Variants in ADAM18 observed in about 807,000 individuals in gnomAD.
ADAM18 encodes ADAM metallopeptidase domain 18, also known as disintegrin and metalloproteinase domain-containing protein 18.
ADAM18 carries 117 observed loss-of-function variants against 94.4 expected under a neutral mutation model. The ratio of observed to expected loss-of-function variants is 1.24; its 90% CI spans 1.07 to 1.45. The LOEUF (loss-of-function observed/expected upper bound fraction) is 1.45, where lower values mean the gene tolerates loss of function less well. ADAM18 is among the 40% of genes most tolerant of loss of function. The pLI, the probability that ADAM18 is intolerant of heterozygous loss-of-function variation, is 0.00. For missense variants in ADAM18, 936 were observed against 880.0 expected, an observed-to-expected ratio of 1.06 and a Z score of -0.81; for synonymous variants, 327 against 291.6, an observed-to-expected ratio of 1.12 and a Z score of -1.24.
At chr8:39,722,215 G>GACA (rs1822775342) in intron 18 of ADAM18, among the ~76,000 whole-genome samples, 90 of 68,064 alleles carry the variant, frequency 1.3e-3, no homozygotes, top group African/African-American at 7.7e-3. Context: ...GTGTGTGTGT[G>GACA]TGTATATATA....
chr8:39,604,351 A>T lies in ADAM18; in HGVS notation c.133-1956A>T, dbSNP rs1819001028. Among the ~76,000 whole-genome samples, 3 of 152,046 alleles carry T rather than the reference A, an allele frequency of 2.0e-5. No individual in the cohort carries two copies. In the South Asian group the frequency reaches 6.2e-4, roughly 31 times the overall value. On this transcript the variant is annotated intron_variant, in intron 2 of 19. Transcript: ENST00000265707. ...TCAATCCCTACTCCTTATAATGTCT[A>T]TTTTTATTTTTCTAAAGATATTAAA...
intron 6 of ADAM18, among the ~76,000 whole-genome samples, chr8:39,624,794 ACCT>A (rs1819716283): frequency 6.6e-6 from 1 of 151,240 alleles, no homozygotes; most frequent in Admixed American, 6.6e-5. Flanking sequence ...AGTGTGTAGC[ACCT>A]CCCCTGCTCT....
At chr8:39,722,027 A>G (rs561083981) in intron 18 of ADAM18, among the ~76,000 whole-genome samples, 1 of 150,798 alleles carries the variant, frequency 6.6e-6, no homozygotes, top group African/African-American at 2.4e-5. Context: ...AACACATTAT[A>G]TATATATGCA....
chr8:39,596,883 A>G (rs1270775019), intron 2 of ADAM18, among the ~76,000 whole-genome samples: 2 of 152,158 alleles, frequency 1.3e-5, no homozygotes, highest in Non-Finnish European at 2.9e-5. Flanking sequence ...ATGTGTAATA[A>G]TATTTTATTT....
At chr8:39,608,124 T>A (rs191951533) in intron 3 of ADAM18, among the ~76,000 whole-genome samples, 2 of 152,142 alleles carry the variant, frequency 1.3e-5, no homozygotes, top group Non-Finnish European at 2.9e-5. Flanking sequence ...ATACTTGACA[T>A]CTTTCTGTCG....
intron 19 of ADAM18, among the ~76,000 whole-genome samples, chr8:39,725,261 C>A (rs555973583): frequency 4.6e-5 from 7 of 152,016 alleles, no homozygotes; most frequent in East Asian, 1.9e-4. Flanking sequence ...CCCCTTTAAA[C>A]CATCATCACC....
chr8:39,693,388 A>G (rs1255823259), intron 17 of ADAM18, among the ~76,000 whole-genome samples: 2 of 151,374 alleles, frequency 1.3e-5, no homozygotes, highest in Admixed American at 6.6e-5. Context: ...GAAAATAGCC[A>G]CATTTTAATG....
chr8:39,624,588 C>T (rs748256422), intron 6 of ADAM18, among the ~76,000 whole-genome samples: 5 of 152,080 alleles, frequency 3.3e-5, no homozygotes, highest in African/African-American at 4.8e-5. Flanking sequence ...GTAGCGTCTC[C>T]AGATATGTTA....
At chr8:39,662,084 A>G (rs2129580024) in intron 12 of ADAM18, among the ~76,000 whole-genome samples, 1 of 152,188 alleles carries the variant, frequency 6.6e-6, no homozygotes. Flanking sequence ...GCACAAATGC[A>G]AATTTATGCA....
chr8:39,595,614 A>G (rs2129458140), intron 2 of ADAM18, among the ~76,000 whole-genome samples: 1 of 152,218 alleles, frequency 6.6e-6, no homozygotes, highest in Non-Finnish European at 1.5e-5. Context: ...TCTGCCTCAG[A>G]GGTTTCAAGA....
At chr8:39,726,690 T>C (rs917681927) in intron 19 of ADAM18, among the ~76,000 whole-genome samples, 1 of 152,126 alleles carries the variant, frequency 6.6e-6, no homozygotes, top group Non-Finnish European at 1.5e-5. Context: ...AGGTAAGGAT[T>C]AGGCTTTAAT....
chr8:39,684,872 C>T (rs1253144059), intron 16 of ADAM18, among the ~76,000 whole-genome samples: 1 of 152,142 alleles, frequency 6.6e-6, no homozygotes, highest in Non-Finnish European at 1.5e-5. Context: ...CTGTGTTATC[C>T]GTAGATTCTA....
chr8:39,642,258 G>A (rs967085662), intron 10 of ADAM18, among the ~76,000 whole-genome samples: 1 of 152,008 alleles, frequency 6.6e-6, no homozygotes, highest in African/African-American at 2.4e-5. Context: ...AAGCTCTTTA[G>A]TTTAATTAGA....
chr8:39,588,982 C>T (rs900903426), intron 2 of ADAM18, among the ~76,000 whole-genome samples: 1 of 152,148 alleles, frequency 6.6e-6, no homozygotes, highest in Non-Finnish European at 1.5e-5. Flanking sequence ...CCAGAACATT[C>T]CTAAATCTGT....
chr8:39,677,622 A>C, intron 15 of ADAM18, 86 bp downstream of exon 15: 1 of 870,646 alleles, frequency 1.1e-6, no homozygotes, highest in Non-Finnish European at 1.7e-6. Flanking sequence ...TGAACACTAA[A>C]ATTTTATAAC....
chr8:39,670,086 T>A (rs1821112271), intron 14 of ADAM18, among the ~76,000 whole-genome samples: 4 of 152,212 alleles, frequency 2.6e-5, no homozygotes, highest in African/African-American at 4.8e-5. Flanking sequence ...CATTTTTTCA[T>A]GTGTTTTTTG....
At chr8:39,653,365 C>T (rs1381243271) in intron 12 of ADAM18, among the ~76,000 whole-genome samples, 1 of 151,672 alleles carries the variant, frequency 6.6e-6, no homozygotes, top group Non-Finnish European at 1.5e-5. Context: ...AAGATCTATA[C>T]AGATATTAAA....
At chr8:39,585,037 A>G (rs1475812385) in intron 1 of ADAM18, among the ~76,000 whole-genome samples, 1 of 152,268 alleles carries the variant, frequency 6.6e-6, no homozygotes, top group Admixed American at 6.5e-5. Flanking sequence ...AAAGGGAACC[A>G]GAGGGGCCTG....
intron 12 of ADAM18, among the ~76,000 whole-genome samples, chr8:39,656,605 GATAAA>G (rs1248041330): frequency 2.6e-5 from 4 of 152,074 alleles, no homozygotes; most frequent in African/African-American, 2.4e-5. Flanking sequence ...ATTAGATGTT[GATAAA>G]ATAAAATATC....
Sources: gnomAD v4.1 joint callset for allele counts (sites outside exome capture counted in the v4.1 genomes callset) on GRCh38, gnomAD v4.1.1 for gene constraint, MANE v1.5 for transcripts, NCBI Gene and HGNC (gene_info 2026-07-23, HGNC 2026-07-21) for gene names.